The following KCNMB2 variants were observed in gnomAD, a reference collection of about 807,000 sequenced individuals.
KCNMB2 encodes the protein potassium calcium-activated channel subfamily M regulatory beta subunit 2, also known as calcium-activated potassium channel subunit beta-2.
KCNMB2 carries 9 observed loss-of-function variants against 24.5 expected under a neutral mutation model. The observed-to-expected ratio is 0.37, with a 90% CI of 0.22 to 0.64. KCNMB2 has a LOEUF of 0.64. Among genes scored for constraint, KCNMB2 ranks in the 30% least tolerant of loss-of-function variants. KCNMB2 has a pLI of 0.63. For missense variants in KCNMB2, 226 were observed against 284.3 expected, an observed-to-expected ratio of 0.79 and a Z score of 1.47; for synonymous variants, 109 against 104.4, an observed-to-expected ratio of 1.04 and a Z score of -0.27.
At chr3:178,601,615 C>G (rs1305390775) in intron 1 of KCNMB2, among the ~76,000 whole-genome samples, 1 of 152,136 alleles carries the variant, frequency 6.6e-6, no homozygotes, top group Non-Finnish European at 1.5e-5. Context: ...CAGGAGGGGC[C>G]CTCCTTTTGA....
chr3:178,756,223 TATGTGG>T (rs927649189), intron 1 of KCNMB2, among the ~76,000 whole-genome samples: 3 of 151,908 alleles, frequency 2.0e-5, no homozygotes, highest in Non-Finnish European at 4.4e-5. Context: ...TGTGTATATA[TATGTGG>T]GTGTGGGTGT....
intron 1 of KCNMB2, among the ~76,000 whole-genome samples, chr3:178,657,406 A>C (rs964924279): frequency 3.3e-5 from 5 of 152,216 alleles, no homozygotes; most frequent in Non-Finnish European, 7.3e-5. Context: ...CCTGGGAACA[A>C]ACTCCACCTC....
At chr3:178,751,392 A>G (rs999023096) in intron 1 of KCNMB2, among the ~76,000 whole-genome samples, 1 of 151,976 alleles carries the variant, frequency 6.6e-6, no homozygotes, top group Non-Finnish European at 1.5e-5. Flanking sequence ...CAGCCTGGCC[A>G]ACATAGTGAA....
At chr3:178,825,238 G>A (rs1444636515) in intron 2 of KCNMB2, among the ~76,000 whole-genome samples, 1 of 152,174 alleles carries the variant, frequency 6.6e-6, no homozygotes, top group Non-Finnish European at 1.5e-5. Context: ...TGGGTTAAAT[G>A]GTAAAGTCAA....
chr3:178,582,342 C>T (rs1717243699), intron 1 of KCNMB2, among the ~76,000 whole-genome samples: 1 of 152,062 alleles, frequency 6.6e-6, no homozygotes, highest in Non-Finnish European at 1.5e-5. Context: ...GAGAGAACAT[C>T]ACACACCAGG....
intron 1 of KCNMB2, among the ~76,000 whole-genome samples, chr3:178,771,510 C>A (rs1194892634): frequency 9.3e-6 from 1 of 107,498 alleles, no homozygotes; most frequent in East Asian, 3.0e-4. Context: ...GAGACAGGGT[C>A]TCACTCTGTC....
intron 3 of KCNMB2, among the ~76,000 whole-genome samples, chr3:178,827,347 T>C (rs1038972952): frequency 6.6e-6 from 1 of 152,182 alleles, no homozygotes; most frequent in African/African-American, 2.4e-5. Context: ...TTCTTTTCCA[T>C]TGTGTTTGTG....
intron 4 of KCNMB2, among the ~76,000 whole-genome samples, chr3:178,839,520 C>A (rs1715352058): frequency 6.6e-6 from 1 of 152,020 alleles, no homozygotes; most frequent in African/African-American, 2.4e-5. Context: ...TTTCACACTG[C>A]TAGAAAGAAC....
At chr3:178,831,593 T>C (rs9848615) in intron 4 of KCNMB2, among the ~76,000 whole-genome samples, 33,022 of 152,142 alleles carry the variant, frequency 0.22, 3,891 homozygotes, top group Middle Eastern at 0.29. Context: ...TCATGTCCTT[T>C]GCAGCAACCA....
At chr3:178,667,429 T>C (rs1720756824) in intron 1 of KCNMB2, among the ~76,000 whole-genome samples, 1 of 152,138 alleles carries the variant, frequency 6.6e-6, no homozygotes, top group Non-Finnish European at 1.5e-5. Flanking sequence ...CTTTCCCTTC[T>C]ACCTTCCACC....
chr3:178,720,801 A>G (rs1442819521), intron 1 of KCNMB2, among the ~76,000 whole-genome samples: 5 of 147,432 alleles, frequency 3.4e-5, no homozygotes, highest in African/African-American at 7.6e-5. Context: ...GTCTGTTCAT[A>G]TCCTTTGCCC....
intron 1 of KCNMB2, among the ~76,000 whole-genome samples, chr3:178,697,582 T>G (rs185055780): frequency 1.3e-5 from 2 of 152,320 alleles, no homozygotes; most frequent in Admixed American, 6.5e-5. Flanking sequence ...TGCCTTTTAT[T>G]TGGAGTATTT....
intron 1 of KCNMB2, among the ~76,000 whole-genome samples, chr3:178,755,907 G>C (rs772415198): frequency 2.0e-5 from 3 of 152,110 alleles, no homozygotes; most frequent in Admixed American, 6.6e-5. Context: ...GCCAGATATA[G>C]AATGAGAAAC....
intron 1 of KCNMB2, among the ~76,000 whole-genome samples, chr3:178,594,916 G>C (rs1306954266): frequency 1.3e-5 from 2 of 151,924 alleles, no homozygotes; most frequent in African/African-American, 4.8e-5. Context: ...TGAAAAATCT[G>C]TTTGCAATTC....
intron 1 of KCNMB2, among the ~76,000 whole-genome samples, chr3:178,798,761 T>G (rs757715064): frequency 6.6e-6 from 1 of 151,754 alleles, no homozygotes; most frequent in Admixed American, 6.6e-5. Context: ...TTGGGAAAAA[T>G]AGATAATGCA....
intron 1 of KCNMB2, among the ~76,000 whole-genome samples, chr3:178,758,042 CTAGATATAT>C (rs1724232716): frequency 3.8e-4 from 1 of 2,658 alleles, no homozygotes; most frequent in African/African-American, 8.5e-4. Flanking sequence ...ATATATATAT[CTAGATATAT>C]ATATATATCT....
chr3:178,731,821 T>C (rs1723160509), intron 1 of KCNMB2, among the ~76,000 whole-genome samples: 1 of 152,224 alleles, frequency 6.6e-6, no homozygotes, highest in African/African-American at 2.4e-5. Flanking sequence ...GAGAATCGCT[T>C]GATCCCGTGG....
At chr3:178,555,955 G>T (rs140403573) in intron 1 of KCNMB2, among the ~76,000 whole-genome samples, 1 of 152,062 alleles carries the variant, frequency 6.6e-6, no homozygotes. Flanking sequence ...ACAAAGGCTC[G>T]AATAAGAATT....
intron 1 of KCNMB2, among the ~76,000 whole-genome samples, chr3:178,659,269 C>G (rs569774192): frequency 6.6e-6 from 1 of 152,240 alleles, no homozygotes; most frequent in Non-Finnish European, 1.5e-5. Context: ...GAATGTTCTG[C>G]ATCCTCAGGT....
Sources: gnomAD v4.1 joint callset for allele counts (sites outside exome capture counted in the v4.1 genomes callset) on GRCh38, gnomAD v4.1.1 for gene constraint, MANE v1.5 for transcripts, NCBI Gene and HGNC (gene_info 2026-07-23, HGNC 2026-07-21) for gene names.